The following SRCIN1 variants were observed in gnomAD, a reference collection of about 807,000 sequenced individuals.
The protein encoded by SRCIN1 is SRC kinase signaling inhibitor 1.
A neutral mutation model predicts 116.2 loss-of-function variants in SRCIN1; 50 were observed. The observed-to-expected ratio is 0.43, with a 90% confidence interval of 0.34 to 0.54. SRCIN1 has a LOEUF of 0.54. Among genes scored for constraint, SRCIN1 ranks in the 20% least tolerant of loss-of-function variants. SRCIN1 has a pLI of 0.02. For missense variants in SRCIN1, 1,446 were observed against 1,672.0 expected, an observed-to-expected ratio of 0.86 and a Z score of 2.36; for synonymous variants, 736 against 750.0, an observed-to-expected ratio of 0.98 and a Z score of 0.30.
At position 38,604,662 on chromosome 17, in the gene SRCIN1, A is replaced by G. The variant is rs1337194641; in HGVS notation, c.22+1022T>C. 2 of 388,568 alleles carry G rather than the reference A, an allele frequency of 5.1e-6. No individual in the cohort carries two copies. Among genetic ancestry groups the G allele is most frequent in the Non-Finnish European group, 1.0e-5 (2 of 195,254 alleles). The allele number at this position is 388,568 out of a possible 1,614,324, so 24.1% of individuals were successfully genotyped here. ...GCCGCACACGCCCCGCCGGGCCCTG[A>G]CAGCTGAGCTGCGGAGGCACCCGGC... On this transcript the variant is annotated intron_variant, in intron 1 of 18. Coordinates refer to ENST00000617146, the MANE Select transcript of SRCIN1 (RefSeq NM_025248.3). This position sits in a 1 kb window ranked among gnomAD's most constrained non-coding sequence, Gnocchi z 4.3.
In SRCIN1 at chr17:38,561,744, C is replaced by T. The variant is rs138636517; in HGVS notation, c.1419G>A (p.Ser473=). ...GDGYGFRLPP[S]SPQKLADVAA... is the part of the protein sequence containing the mutation. ...CCACGTCGGCCAGCTTCTGCGGTGA[C>T]GAAGGCGGCAGGCGGAAGCCGTAGC... Residue 473 remains serine (S), a synonymous_variant, in exon 7 of 19, where the codon TCG becomes TCA. Coordinates refer to ENST00000617146, the MANE Select transcript of SRCIN1 (RefSeq NM_025248.3). 3.8e-3 allele frequency: 5,790 copies of T among 1,516,162 alleles called. 188 individuals are homozygous for T. The African/African-American group carries it at 0.069, about 18-fold the overall frequency. 93.9% of individuals were successfully genotyped at this position (1,516,162 alleles called of 1,614,324 possible).
intron 1 of SRCIN1, among the ~76,000 whole-genome samples, chr17:38,597,339 C>A (rs968576590): frequency 3.3e-5 from 5 of 152,236 alleles, no homozygotes; most frequent in Non-Finnish European, 7.3e-5. Context: ...CAGCCCCAGA[C>A]AGGCTGAGGT....
chr17:38,532,118 T>G lies in SRCIN1; in HGVS notation c.*1179A>C, dbSNP rs914369073. 3 of 152,190 alleles carry G rather than the reference T, an allele frequency of 2.0e-5. No individual in the cohort carries two copies. Among genetic ancestry groups the G allele is most frequent in the African/African-American group, 7.2e-5 (3 of 41,436 alleles). 9.4% of individuals were successfully genotyped at this position (152,190 alleles called of 1,614,324 possible). A position where few individuals can be genotyped will look rare whatever the true frequency, so the allele number is the denominator to read the frequency against. ...CCACAGGCCAGGGGCGCTGGCTGGA[T>G]GGTCAGGCCTCAGGGACCTTCAGAC... is the stretch of plus-strand genomic sequence containing the variant. On this transcript the variant is annotated 3_prime_UTR_variant, in exon 19 of 19. Coordinates refer to ENST00000617146, the MANE Select transcript of SRCIN1 (RefSeq NM_025248.3). This position sits in a 1 kb window ranked among gnomAD's most constrained non-coding sequence, Gnocchi z 4.3.
intron 17 of SRCIN1, chr17:38,547,774 TGG>T: frequency 3.8e-6 from 1 of 266,556 alleles, no homozygotes; most frequent in Non-Finnish European, 7.4e-6. Context: ...GTGTAGGGCC[TGG>T]GGCTGAGCCC....
rs3894925 is a variant in SRCIN1 at position 38,533,617 on chromosome 17, G to C, written c.3418-186C>G. 2.5e-3 allele frequency among the ~76,000 whole-genome samples: 334 copies of C among 134,948 alleles called. 7 individuals are homozygous for C. The East Asian group carries it at 0.058, about 24-fold the overall frequency. The allele number at this position is 134,948 out of a possible 152,430, so 88.5% of individuals were successfully genotyped here. ...TGGTGGAGGGGTGGGGGCAGAAAAG[G>C]GGGGGGAGGGGGCACGAGGTTGGAC... On this transcript the variant is annotated intron_variant, in intron 18 of 18. Coordinates refer to ENST00000617146, the MANE Select transcript of SRCIN1 (RefSeq NM_025248.3).
At chr17:38,601,125 G>C (rs1231504564) in intron 1 of SRCIN1, 3 of 152,396 alleles carry the variant, frequency 2.0e-5, no homozygotes, top group East Asian at 3.8e-4. Context: ...AGATCAGCCA[G>C]CCCACGCCCC....
chr17:38,552,167 C>A lies in SRCIN1; in HGVS notation c.2481-35G>T. The A allele has an allele frequency of 6.3e-7, 1 of 1,585,874 alleles. No homozygotes were observed. The highest frequency in any genetic ancestry group is 8.6e-7 in the Non-Finnish European group (1 of 1,164,290). On this transcript the variant is annotated intron_variant, in intron 13 of 18. Transcript: ENST00000617146. This position sits in a 1 kb window ranked among gnomAD's most constrained non-coding sequence, Gnocchi z 5.3. ...GGAGAGTTGGGAGCAGCTGTGAGGC[C>A]AGCAGGTGGTGACCCTTCTGCAGGA...
In SRCIN1 at chr17:38,582,779, G is replaced by A. The variant is rs185195632; in HGVS notation, c.23-3988C>T. On this transcript the variant is annotated intron_variant, in intron 1 of 18. Transcript: ENST00000617146. ...AGCTGAGGCTCGGGGAGAAGGGAAC[G>A]CCTGGGTAGCCTAGCTGTCCTGGCT... Among the ~76,000 whole-genome samples the A allele has an allele frequency of 1.9e-3, 291 of 152,264 alleles. 2 individuals carry two copies. The highest frequency in any genetic ancestry group is 3.5e-3 in the Non-Finnish European group (237 of 68,008).
At position 38,561,497 on chromosome 17, in the gene SRCIN1, C is replaced by T. The variant is rs1597903371; in HGVS notation, c.1666G>A (p.Gly556Arg). 1.3e-6 allele frequency: 2 copies of T among 1,594,116 alleles called. No homozygotes were observed. Among genetic ancestry groups the T allele is most frequent in the Non-Finnish European group, 8.5e-7 (1 of 1,176,940 alleles). ...GTGTCCTTGGCTGGCACTGGCGGCC[C>T]GAACCCAACCAGCGAGCGTTCCCCA... Reference protein sequence around the residue: ...GPGERSLVGFGPPVPAKDTET... With the variant: ...GPGERSLVGFRPPVPAKDTET... Residue 556 changes from glycine (G) to arginine (R), a missense_variant, in exon 7 of 19, where the codon GGG becomes AGG. Around this residue, in one of 5 missense-constraint regions of SRCIN1, gnomAD observed 398 missense variants for 385.6 expected, o/e 1.03. Transcript: ENST00000617146.
intron 1 of SRCIN1, 59 bp downstream of exon 1, chr17:38,605,625 A>G: frequency 7.6e-7 from 1 of 1,321,984 alleles, no homozygotes; most frequent in Non-Finnish European, 9.9e-7. Context: ...CAAAGAAAAC[A>G]GAAATACCTT....
chr17:38,551,170 C>T lies in SRCIN1; in HGVS notation c.2947G>A (p.Gly983Arg). ...QKAAPRTEPS[G>R]RRGSDELTVP... Reference sequence around the variant, plus strand: ...CTCCCCATACCTGAGCCCCTCCTCCCACTGGGCTCCGTTCGGGGGGCTGCC... The same window carrying T: ...CTCCCCATACCTGAGCCCCTCCTCCTACTGGGCTCCGTTCGGGGGGCTGCC... The change falls in exon 15 of 19, where the codon GGG (glycine) becomes AGG (arginine). Residue 983 changes from glycine (G) to arginine (R), a missense_variant. Transcript: ENST00000617146. 2 of 1,558,566 alleles carry T rather than the reference C, an allele frequency of 1.3e-6. No individual in the cohort carries two copies. The highest frequency in any genetic ancestry group is 1.7e-6 in the Non-Finnish European group (2 of 1,143,080).
intron 1 of SRCIN1, among the ~76,000 whole-genome samples, chr17:38,579,637 G>C (rs1009475108): frequency 3.0e-4 from 45 of 152,202 alleles, no homozygotes; most frequent in African/African-American, 1.0e-3. Flanking sequence ...ACAAGATCAA[G>C]ACCCATAAGA....
intron 18 of SRCIN1, among the ~76,000 whole-genome samples, chr17:38,539,528 C>T (rs1471107174): frequency 1.3e-5 from 2 of 152,128 alleles, no homozygotes; most frequent in South Asian, 4.1e-4. Flanking sequence ...AGTTCCTTCC[C>T]TGCTCTCTCC....
chr17:38,574,224 T>C (rs1163161628), intron 2 of SRCIN1, among the ~76,000 whole-genome samples: 6 of 152,136 alleles, frequency 3.9e-5, no homozygotes, highest in African/African-American at 4.8e-5. Flanking sequence ...GATGCCTATT[T>C]TTCTCCCATA....
At chr17:38,543,440 T>C (rs906225109) in intron 18 of SRCIN1, among the ~76,000 whole-genome samples, 7 of 152,124 alleles carry the variant, frequency 4.6e-5, no homozygotes, top group Non-Finnish European at 1.0e-4. Context: ...AAAATCCCCC[T>C]TCTGCACCCC....
intron 2 of SRCIN1, among the ~76,000 whole-genome samples, chr17:38,577,244 G>A (rs892981950): frequency 3.9e-5 from 6 of 152,098 alleles, no homozygotes; most frequent in African/African-American, 1.2e-4. Context: ...CCAGCTAGAT[G>A]ACAAATGCCC....
intron 14 of SRCIN1, 128 bp downstream of exon 14, chr17:38,551,758 T>A (rs904558322): frequency 1.3e-6 from 2 of 1,487,768 alleles, no homozygotes; most frequent in Non-Finnish European, 1.8e-6. Context: ...AGGCTTCCAT[T>A]AGGGCACTGG....
At chr17:38,579,536 A>T (rs1291347519) in intron 1 of SRCIN1, among the ~76,000 whole-genome samples, 2 of 152,170 alleles carry the variant, frequency 1.3e-5, no homozygotes, top group African/African-American at 4.8e-5. Flanking sequence ...ACTTAAAGGG[A>T]AAGAAAGCAG....
chr17:38,560,077 T>A lies in SRCIN1; in HGVS notation c.1814A>T (p.Asn605Ile), dbSNP rs765964371. 1.3e-6 allele frequency: 2 copies of A among 1,556,134 alleles called. No homozygotes were observed. Among genetic ancestry groups the A allele is most frequent in the Non-Finnish European group, 1.7e-6 (2 of 1,150,022 alleles). ...ETPSEKIEGSNGAATPSAPCG... is the reference protein window; with the variant it reads ...ETPSEKIEGSIGAATPSAPCG... ...ACGTGCTGAGGGGGTGGCTGCTCCA[T>A]TGGAGCCTTCAATCTTCTCGCTGTG... The change falls in exon 9 of 19, where the codon AAT (asparagine) becomes ATT (isoleucine). Residue 605 changes from asparagine to isoleucine, a missense_variant. Around this residue, in one of 5 missense-constraint regions of SRCIN1, gnomAD observed 398 missense variants for 385.6 expected, o/e 1.03. Coordinates refer to ENST00000617146, the MANE Select transcript of SRCIN1 (RefSeq NM_025248.3).
Sources: allele counts gnomAD v4.1 joint callset (sites outside exome capture counted in the v4.1 genomes callset), GRCh38; gene constraint gnomAD v4.1.1; regional missense constraint gnomAD v4.1.1; non-coding constraint Gnocchi (gnomAD v3.1); transcripts MANE v1.5; gene names NCBI Gene and HGNC (gene_info 2026-07-23, HGNC 2026-07-21).